The following DNAH3 variants were observed in gnomAD, a reference collection of about 807,000 sequenced individuals.
The protein encoded by DNAH3 is axonemal beta dynein heavy chain 3.
Under a neutral mutation model 432.5 loss-of-function variants are expected in DNAH3, and 332 were observed. The ratio of observed to expected loss-of-function variants is 0.77; its 90% CI spans 0.70 to 0.84. The LOEUF is 0.84. DNAH3 is among the 40% of genes least tolerant of loss of function. The pLI is 0.00. For synonymous variants in DNAH3, 1,956 were observed against 1,900.2 expected (o/e 1.03, Z -0.76); for missense variants, 4,861 against 5,114.0 (o/e 0.95, Z 1.51).
chr16:21,051,381 C>A (rs964387477), intron 29 of DNAH3, among the ~76,000 whole-genome samples: 5 of 152,180 alleles, frequency 3.3e-5, no homozygotes, highest in Admixed American at 6.5e-5. Flanking sequence ...CATCTTGATT[C>A]CTGCCATTGG....
In DNAH3 at chr16:20,954,926, G is replaced by C. The variant is rs531756903; in HGVS notation, c.10958C>G (p.Ser3653Ter). The C allele has an allele frequency of 1.2e-5, 20 of 1,614,178 alleles. No homozygotes were observed. Among genetic ancestry groups the C allele is most frequent in the Middle Eastern group, 1.6e-4 (1 of 6,062 alleles). Residue 3653 changes from serine to a stop codon, truncating the protein, a stop_gained, in exon 55 of 62, where the codon TCA (serine) becomes TGA (stop). Transcript: ENST00000261383. LOFTEE classifies it high-confidence loss of function. ...ACAGCTTTGGAAGAACACAGGATCT[G>C]AGATGGGGTCATTGAGGTAGGAGCG... is the stretch of plus-strand genomic sequence containing the variant.
chr16:21,093,130 C>A (rs1238422283), intron 18 of DNAH3, among the ~76,000 whole-genome samples: 1 of 152,160 alleles, frequency 6.6e-6, no homozygotes, highest in Non-Finnish European at 1.5e-5. Flanking sequence ...ACACTGACAA[C>A]ACTAAATGCT....
chr16:21,108,481 C>T (rs546532586), intron 14 of DNAH3, among the ~76,000 whole-genome samples: 2 of 152,224 alleles, frequency 1.3e-5, no homozygotes, highest in African/African-American at 2.4e-5. Context: ...TGGTGGCTCA[C>T]GCCTGTAATC....
intron 8 of DNAH3, among the ~76,000 whole-genome samples, chr16:21,126,783 G>A (rs1438175243): frequency 6.6e-6 from 1 of 152,072 alleles, no homozygotes; most frequent in Non-Finnish European, 1.5e-5. Context: ...TGTCAGATCA[G>A]CAGCGGCATT....
chr16:21,115,041 A>G (rs2092155877), intron 12 of DNAH3, among the ~76,000 whole-genome samples: 1 of 152,198 alleles, frequency 6.6e-6, no homozygotes, highest in South Asian at 2.1e-4. Flanking sequence ...GCACATATAC[A>G]CCATGGAATA....
At chr16:21,143,488 C>T (rs1304429863) in intron 3 of DNAH3, among the ~76,000 whole-genome samples, 1 of 152,192 alleles carries the variant, frequency 6.6e-6, no homozygotes, top group East Asian at 1.9e-4. Context: ...TCGGACTTTA[C>T]AGACTCCAGA....
rs2085981680 is a variant in DNAH3 at position 20,982,946 on chromosome 16, A to G, written c.7666-32T>C. On this transcript the variant is annotated intron_variant, in intron 48 of 61. Coordinates refer to ENST00000261383, the Ensembl canonical transcript of DNAH3. ...CCAAGGCAGGTGGACCCAAGGAGGC[A>G]GGCGGGTATTCCCAAGGATTCTGGT... The G allele has an allele frequency of 2.5e-6, 4 of 1,597,350 alleles. No homozygotes were observed. In the South Asian group the frequency reaches 4.5e-5, roughly 18 times the overall value.
intron 55 of DNAH3, among the ~76,000 whole-genome samples, 163 bp downstream of exon 55, chr16:20,954,650 T>C (rs1199853660): frequency 6.6e-6 from 1 of 152,138 alleles, no homozygotes; most frequent in East Asian, 1.9e-4. Flanking sequence ...AAATAATAAA[T>C]CATTTAGTAT....
At chr16:21,119,423 C>T in intron 11 of DNAH3, among the ~76,000 whole-genome samples, 1 of 151,702 alleles carries the variant, frequency 6.6e-6, no homozygotes, top group East Asian at 1.9e-4. Context: ...CTTGAGCTCA[C>T]GAGTTCAAGA....
At chr16:21,129,642 C>T (rs1213751421) in intron 7 of DNAH3, among the ~76,000 whole-genome samples, 1 of 151,320 alleles carries the variant, frequency 6.6e-6, no homozygotes, top group South Asian at 2.1e-4. Context: ...GAGGCTGAGG[C>T]AGGAGAATTG....
intron 16 of DNAH3, among the ~76,000 whole-genome samples, chr16:21,103,699 T>C (rs115239840): frequency 0.011 from 1,704 of 152,308 alleles, 37 homozygotes; most frequent in African/African-American, 0.038. Context: ...TTGTCCTTTC[T>C]TGTAAGTATT....
chr16:20,943,544 C>G (rs2083909577), intron 58 of DNAH3, among the ~76,000 whole-genome samples: 1 of 150,876 alleles, frequency 6.6e-6, no homozygotes, highest in Non-Finnish European at 1.5e-5. Context: ...TTCTGACCAT[C>G]TTTCTCTTTT....
chr16:21,056,468 T>C (rs1401496946), intron 27 of DNAH3, among the ~76,000 whole-genome samples: 3 of 145,406 alleles, frequency 2.1e-5, no homozygotes, highest in Non-Finnish European at 4.5e-5. Context: ...ACTTACTGGA[T>C]GTCTGTTCTT....
chr16:20,964,253 C>T lies in DNAH3; in HGVS notation c.9631G>A (p.Ala3211Thr), dbSNP rs2084950624. 1.9e-6 allele frequency: 3 copies of T among 1,614,080 alleles called. No individual in the cohort carries two copies. The highest frequency in any genetic ancestry group is 2.5e-6 in the Non-Finnish European group (3 of 1,180,058). The stretch of plus-strand genomic sequence containing the variant: ...TCTTCCAGCTCTGGCTTCTCCTTCG[C>T]AGCCACGATGCCAAGGAGTTGATCT... The change falls in exon 53 of 62, where the codon GCG becomes ACG. Residue 3211 changes from alanine (A) to threonine (T), a missense_variant. Physicochemically the swap from Ala to Thr is moderately conservative, Grantham distance 58. Transcript: ENST00000261383.
chr16:21,074,924 G>C (rs1187540125), intron 21 of DNAH3, among the ~76,000 whole-genome samples: 1 of 152,148 alleles, frequency 6.6e-6, no homozygotes, highest in African/African-American at 2.4e-5. Context: ...TTTTCTACAA[G>C]TGCAAGTGAA....
intron 1 of DNAH3, among the ~76,000 whole-genome samples, chr16:21,152,548 G>C (rs574580264): frequency 6.6e-6 from 1 of 152,378 alleles, no homozygotes; most frequent in Admixed American, 6.5e-5. Flanking sequence ...TCCTTTCTGG[G>C]CTGGGCAAGG....
Position 20,987,468 on chromosome 16 carries a change from TATTC to T in DNAH3, c.6883-24_6883-21del, listed in dbSNP as rs777481556. 1 of 1,613,432 alleles carries T rather than the reference TATTC, an allele frequency of 6.2e-7. No homozygotes were observed. The highest frequency in any genetic ancestry group is 8.5e-7 in the Non-Finnish European group (1 of 1,179,612). On this transcript the variant is annotated intron_variant, in intron 46 of 61. Coordinates refer to ENST00000261383, the Ensembl canonical transcript of DNAH3. ...TACATCCTAAAAATCCAGAGTTAAT[TATTC>T]AAACGAGTGGAAGATGGTCCCTGAG...
intron 7 of DNAH3, among the ~76,000 whole-genome samples, chr16:21,129,630 A>G (rs1333735540): frequency 6.6e-6 from 1 of 151,530 alleles, no homozygotes; most frequent in Non-Finnish European, 1.5e-5. Context: ...CCAGCTACTC[A>G]GGAGGCTGAG....
chr16:20,978,360 C>T (rs1381375041), intron 50 of DNAH3, among the ~76,000 whole-genome samples: 1 of 152,138 alleles, frequency 6.6e-6, no homozygotes, highest in Non-Finnish European at 1.5e-5. Flanking sequence ...AAAACCCCGT[C>T]TCTACTAAAA....
Sources: allele counts gnomAD v4.1 joint callset (sites outside exome capture counted in the v4.1 genomes callset), GRCh38; gene constraint gnomAD v4.1.1; transcripts MANE v1.5; gene names NCBI Gene and HGNC (gene_info 2026-07-23, HGNC 2026-07-21).